The following ZNF608 variants were observed in gnomAD, a reference collection of about 807,000 sequenced individuals.
ZNF608 encodes the protein zinc finger protein 608.
A neutral mutation model predicts 109.0 loss-of-function variants in ZNF608; 12 were observed. That is an observed-to-expected ratio of 0.11 (90% CI 0.07 to 0.18). The LOEUF (loss-of-function observed/expected upper bound fraction) is 0.18. Among genes scored for constraint, ZNF608 ranks in the 10% least tolerant of loss-of-function variants. ZNF608 has a pLI of 1.00. For synonymous variants in ZNF608, 732 were observed against 717.4 expected, an observed-to-expected ratio of 1.02 and a Z score of -0.33; for missense variants, 1,707 against 1,879.3, an observed-to-expected ratio of 0.91 and a Z score of 1.70.
rs1364411827 is a variant in ZNF608, at chr5:124,647,071, A to G, written c.3313T>C (p.Tyr1105His). The G allele has an allele frequency of 4.3e-6, 7 of 1,613,808 alleles. No individual in the cohort carries two copies. Among genetic ancestry groups the G allele is most frequent in the African/African-American group, 1.3e-5 (1 of 74,824 alleles). Reference protein sequence around the residue: ...MATSPAYRQQYEKYYEDQRLA... With the variant: ...MATSPAYRQQHEKYYEDQRLA... ...CTCTGGTCCTCATAGTACTTCTCATACTGCTGTCTATAGGCAGGGCTGGTG... is the reference window on the plus strand; with the variant it reads ...CTCTGGTCCTCATAGTACTTCTCATGCTGCTGTCTATAGGCAGGGCTGGTG... Residue 1105 changes from tyrosine (Y) to histidine (H), a missense_variant, in exon 5 of 10, where the codon TAT becomes CAT. Physicochemically the swap from Tyr to His is moderately conservative, Grantham distance 83. Transcript: ENST00000513986.
intron 3 of ZNF608, among the ~76,000 whole-genome samples, chr5:124,658,056 C>G (rs905469047): frequency 6.6e-6 from 1 of 152,108 alleles, no homozygotes; most frequent in African/African-American, 2.4e-5. Flanking sequence ...TTGTGTAGAC[C>G]GTTCCTCTAG....
In ZNF608 at chr5:124,713,574, G is replaced by A. The variant is rs745960772; in HGVS notation, c.907-12305C>T. On this transcript the variant is annotated intron_variant, in intron 2 of 9. Transcript: ENST00000513986. ...TAATTGTCATTGGATTTTAAATTTTGTCAATTAAAAAATTCTGTGGAAATT... is the reference window on the plus strand; with the variant it reads ...TAATTGTCATTGGATTTTAAATTTTATCAATTAAAAAATTCTGTGGAAATT... Among the ~76,000 whole-genome samples the A allele has an allele frequency of 7.6e-4, 116 of 152,142 alleles. 1 individual carries two copies. Among genetic ancestry groups the A allele is most frequent in the Admixed American group, 1.2e-3 (18 of 15,264 alleles).
At chr5:124,667,391 G>A (rs1184049624) in intron 3 of ZNF608, among the ~76,000 whole-genome samples, 1 of 152,132 alleles carries the variant, frequency 6.6e-6, no homozygotes, top group Admixed American at 6.5e-5. Context: ...GGGCTCCTGG[G>A]GACAGAGTGT....
intron 3 of ZNF608, among the ~76,000 whole-genome samples, chr5:124,670,514 G>A (rs1561549261): frequency 6.6e-6 from 1 of 152,168 alleles, no homozygotes; most frequent in East Asian, 1.9e-4. Context: ...TAATAGCAAG[G>A]CTCGCTTCTT....
intron 2 of ZNF608, among the ~76,000 whole-genome samples, chr5:124,728,548 A>C (rs529647620): frequency 6.6e-6 from 1 of 152,156 alleles, no homozygotes; most frequent in East Asian, 1.9e-4. Context: ...GAAAATCACT[A>C]TCCCAACATG....
At chr5:124,682,380 A>G (rs1752234633) in intron 3 of ZNF608, among the ~76,000 whole-genome samples, 1 of 152,202 alleles carries the variant, frequency 6.6e-6, no homozygotes. Flanking sequence ...GCCTACCATG[A>G]ATCCTTTTTT....
At position 124,644,502 on chromosome 5, in the gene ZNF608, T is replaced by C. The variant is rs1224890110; in HGVS notation, c.3865A>G (p.Thr1289Ala). The C allele has an allele frequency of 4.3e-6, 7 of 1,614,020 alleles. No individual in the cohort carries two copies. Among genetic ancestry groups the C allele is most frequent in the Non-Finnish European group, 5.9e-6 (7 of 1,180,028 alleles). Residue 1289 changes from threonine to alanine, a missense_variant, in exon 6 of 10, where the codon ACA becomes GCA. Coordinates refer to ENST00000513986, the MANE Select transcript of ZNF608 (RefSeq NM_020747.3). ...SGVPSLPVSL[T>A]SIKEEPKEAK... Reference sequence around the variant, plus strand: ...TCTTTGGGCTCCTCTTTAATGCTTGTTAACGATACAGGAAGGCTGGGCACA... The same window carrying C: ...TCTTTGGGCTCCTCTTTAATGCTTGCTAACGATACAGGAAGGCTGGGCACA...
chr5:124,695,976 G>C (rs906696390), intron 3 of ZNF608, among the ~76,000 whole-genome samples: 3 of 152,098 alleles, frequency 2.0e-5, no homozygotes, highest in African/African-American at 7.2e-5. Context: ...CTGAGGTCAG[G>C]AGTTCGAGAC....
intron 5 of ZNF608, among the ~76,000 whole-genome samples, chr5:124,645,179 T>C (rs6866116): frequency 0.33 from 50,737 of 152,170 alleles, 8,817 homozygotes; most frequent in East Asian, 0.46. Context: ...CTAATACATT[T>C]TCCTCATCTA....
Position 124,681,645 on chromosome 5 carries a change from A to G in ZNF608, c.1162+19369T>C, listed in dbSNP as rs144114268. On this transcript the variant is annotated intron_variant, in intron 3 of 9. Transcript: ENST00000513986. ...GACTGTTAAGTCCCACCTATTTGAA[A>G]GCCTGAGGCAGGACGATCCCTTGAG... Among the ~76,000 whole-genome samples the G allele has an allele frequency of 1.0e-3, 159 of 152,286 alleles. 1 individual carries two copies. In the East Asian group the frequency reaches 0.028, roughly 27 times the overall value.
At chr5:124,706,895 G>A (rs1024451886) in intron 2 of ZNF608, among the ~76,000 whole-genome samples, 5 of 152,172 alleles carry the variant, frequency 3.3e-5, no homozygotes, top group East Asian at 1.9e-4. Flanking sequence ...TTTATCACGC[G>A]AGAGAGCCTA....
intron 3 of ZNF608, among the ~76,000 whole-genome samples, chr5:124,684,518 A>G (rs1034677785): frequency 2.0e-5 from 3 of 152,182 alleles, no homozygotes; most frequent in Admixed American, 6.5e-5. Context: ...TCTGAACTAC[A>G]TCATATTTAG....
chr5:124,705,805 A>G (rs1263984876), intron 2 of ZNF608, among the ~76,000 whole-genome samples: 1 of 152,188 alleles, frequency 6.6e-6, no homozygotes, highest in Non-Finnish European at 1.5e-5. Flanking sequence ...GGCCCTGATG[A>G]GTCCCGTACT....
chr5:124,728,129 T>C (rs1205086524), intron 2 of ZNF608, among the ~76,000 whole-genome samples: 1 of 152,094 alleles, frequency 6.6e-6, no homozygotes, highest in Admixed American at 6.5e-5. Flanking sequence ...AAAGGTGTGA[T>C]TTAAGACACC....
chr5:124,695,563 G>A (rs1752812907), intron 3 of ZNF608, among the ~76,000 whole-genome samples: 1 of 151,936 alleles, frequency 6.6e-6, no homozygotes, highest in South Asian at 2.1e-4. Context: ...CCAGGGGTTC[G>A]AGACTAGCAT....
At chr5:124,651,095 T>C (rs1020124774) in intron 3 of ZNF608, among the ~76,000 whole-genome samples, 3 of 152,238 alleles carry the variant, frequency 2.0e-5, no homozygotes, top group African/African-American at 7.2e-5. Context: ...CAGTGTACTG[T>C]AGCAATAGGC....
rs766816739 is a variant in ZNF608 at position 124,646,798 on chromosome 5, C to T, written c.3586G>A (p.Asp1196Asn). 3.7e-6 allele frequency: 6 copies of T among 1,614,096 alleles called. No individual in the cohort carries two copies. The highest frequency in any genetic ancestry group is 1.3e-5 in the African/African-American group (1 of 74,918). ...LSNHQQQLQA[D>N]SFKAKQMENH... Reference sequence around the variant, plus strand: ...TCCATCTGCTTAGCTTTGAAGCTGTCGGCCTGAAGCTGCTGCTGGTGATTG... The same window carrying T: ...TCCATCTGCTTAGCTTTGAAGCTGTTGGCCTGAAGCTGCTGCTGGTGATTG... The change falls in exon 5 of 10, where the codon GAC becomes AAC. Residue 1196 changes from aspartate (D) to asparagine (N), a missense_variant. Physicochemically the swap from Asp to Asn is conservative, Grantham distance 23 (BLOSUM62 1). Transcript: ENST00000513986.
intron 3 of ZNF608, among the ~76,000 whole-genome samples, chr5:124,670,357 G>C (rs1242834774): frequency 2.0e-5 from 3 of 150,804 alleles, no homozygotes; most frequent in Admixed American, 6.6e-5. Flanking sequence ...TTAATGGAAA[G>C]GCTCTATAAG....
At chr5:124,736,805 A>G (rs1242883726) in intron 2 of ZNF608, among the ~76,000 whole-genome samples, 1 of 152,232 alleles carries the variant, frequency 6.6e-6, no homozygotes, top group South Asian at 2.1e-4. Flanking sequence ...AGTGTGACCA[A>G]TTGGAACTTT....
Sources: allele counts gnomAD v4.1 joint callset (sites outside exome capture counted in the v4.1 genomes callset), GRCh38; gene constraint gnomAD v4.1.1; transcripts MANE v1.5; gene names NCBI Gene and HGNC (gene_info 2026-07-23, HGNC 2026-07-21).